Variants in FGF12 observed in about 807,000 individuals in gnomAD.
FGF12 encodes the protein fibroblast growth factor 12B.
A neutral mutation model predicts 23.6 loss-of-function variants in FGF12; 14 were observed. The observed-to-expected ratio is 0.59, with a 90% CI of 0.39 to 0.93. The LOEUF is 0.93. Ranked by LOEUF, FGF12 falls within the 40% of genes least tolerant of loss-of-function variation. The probability of loss-of-function intolerance (pLI) is 0.00; values close to 1 mark genes in which losing one functional copy is unlikely to be tolerated. For synonymous variants in FGF12, 62 were observed against 77.3 expected (o/e 0.80, Z 1.04); for missense variants, 175 against 217.8 (o/e 0.80, Z 1.24).
At chr3:192,490,223 C>T (rs972973543) in intron 2 of FGF12, among the ~76,000 whole-genome samples, 1 of 151,782 alleles carries the variant, frequency 6.6e-6, no homozygotes, top group Non-Finnish European at 1.5e-5. Flanking sequence ...CAAATAGCCA[C>T]TCAAATTGCT....
intron 2 of FGF12, among the ~76,000 whole-genome samples, chr3:192,670,816 C>G (rs983290562): frequency 1.3e-5 from 2 of 151,938 alleles, no homozygotes; most frequent in Admixed American, 1.3e-4. Flanking sequence ...TAATGGGGAC[C>G]CGAAGGATAG....
chr3:192,500,124 T>C (rs1230786240), intron 2 of FGF12, among the ~76,000 whole-genome samples: 1 of 152,174 alleles, frequency 6.6e-6, no homozygotes, highest in Non-Finnish European at 1.5e-5. Context: ...CTGGCTATTT[T>C]TGGACATAAG....
At position 192,572,520 on chromosome 3, in the gene FGF12, CACAA is replaced by C. The variant is rs151261868; in HGVS notation, c.13+154657_13+154660del. 3.6e-3 allele frequency among the ~76,000 whole-genome samples: 546 copies of C among 152,230 alleles called. 2 individuals are homozygous for C. Among genetic ancestry groups the C allele is most frequent in the African/African-American group, 0.012 (509 of 41,528 alleles). On this transcript the variant is annotated intron_variant, in intron 2 of 5. Coordinates refer to ENST00000445105, the MANE Select transcript of FGF12 (RefSeq NM_004113.6). ...AAGGGCAACATAAGTTTTGTAGTGA[CACAA>C]ACAGAACAAAACAAACAAAACTCAA...
chr3:192,535,148 C>A (rs1482354076), intron 2 of FGF12, among the ~76,000 whole-genome samples: 1 of 152,038 alleles, frequency 6.6e-6, no homozygotes, highest in Non-Finnish European at 1.5e-5. Flanking sequence ...ATTTGAAGAA[C>A]AATGCTGAAT....
chr3:192,538,581 A>G (rs1475416809), intron 2 of FGF12, among the ~76,000 whole-genome samples: 2 of 152,190 alleles, frequency 1.3e-5, no homozygotes, highest in East Asian at 3.8e-4. Context: ...CTTTTTGCAC[A>G]TGATAGCTTT....
Position 192,664,619 on chromosome 3 carries a change from A to AAAAAAAAAAAAAAAAAT in FGF12, c.13+62561_13+62562insATTTTTTTTTTTTTTTT, listed in dbSNP as rs3044658. On this transcript the variant is annotated intron_variant, in intron 2 of 5. Coordinates refer to ENST00000445105, the MANE Select transcript of FGF12 (RefSeq NM_004113.6). ...CAAAAAAAATACAAAAAAAAAAAAA[A>AAAAAAAAAAAAAAAAAT]GCTGGGCATGGTGGCATGCACCTGT... 1.3e-5 allele frequency among the ~76,000 whole-genome samples: 2 copies of AAAAAAAAAAAAAAAAAT among 148,636 alleles called. 1 individual carries two copies. The highest frequency in any genetic ancestry group is 3.0e-5 in the Non-Finnish European group (2 of 67,058).
At chr3:192,294,341 T>C (rs1006433735) in intron 4 of FGF12, among the ~76,000 whole-genome samples, 7 of 152,168 alleles carry the variant, frequency 4.6e-5, no homozygotes, top group African/African-American at 1.7e-4. Context: ...AGGACATTTA[T>C]GACATTTTTG....
intron 2 of FGF12, among the ~76,000 whole-genome samples, chr3:192,375,671 C>A (rs73068587): frequency 4.4e-4 from 65 of 148,288 alleles, no homozygotes; most frequent in African/African-American, 1.5e-3. Context: ...CCCCTCTTTC[C>A]CCCCAGACTC....
At chr3:192,203,776 A>T (rs1717502476) in intron 4 of FGF12, among the ~76,000 whole-genome samples, 1 of 151,648 alleles carries the variant, frequency 6.6e-6, no homozygotes, top group African/African-American at 2.4e-5. Context: ...AATTTTTAAA[A>T]TTTTTTTGTA....
At chr3:192,390,866 G>A (rs1173838373) in intron 2 of FGF12, among the ~76,000 whole-genome samples, 4 of 152,196 alleles carry the variant, frequency 2.6e-5, no homozygotes, top group Admixed American at 2.0e-4. Context: ...TAGTAGTGCT[G>A]TTGACTAAAG....
At chr3:192,289,039 G>GA (rs1209907230) in intron 4 of FGF12, among the ~76,000 whole-genome samples, 4 of 152,066 alleles carry the variant, frequency 2.6e-5, no homozygotes, top group African/African-American at 4.8e-5. Context: ...TTATCACCAA[G>GA]AAATCTTTCC....
chr3:192,563,329 T>A (rs1712130952), intron 2 of FGF12, among the ~76,000 whole-genome samples: 1 of 152,192 alleles, frequency 6.6e-6, no homozygotes, highest in African/African-American at 2.4e-5. Flanking sequence ...ATTTAATGGT[T>A]CTGGGTGCAG....
At chr3:192,289,039 GA>G (rs1209907230) in intron 4 of FGF12, among the ~76,000 whole-genome samples, 1 of 152,066 alleles carries the variant, frequency 6.6e-6, no homozygotes, top group African/African-American at 2.4e-5. Context: ...TTATCACCAA[GA>G]AATCTTTCCA....
intron 2 of FGF12, among the ~76,000 whole-genome samples, chr3:192,522,342 CTTACTT>C (rs1249278968): frequency 6.6e-6 from 1 of 152,008 alleles, no homozygotes; most frequent in Non-Finnish European, 1.5e-5. Flanking sequence ...GAAGATATAA[CTTACTT>C]TTAAACATTT....
chr3:192,626,374 C>T (rs1715169638), intron 2 of FGF12, among the ~76,000 whole-genome samples: 1 of 152,054 alleles, frequency 6.6e-6, no homozygotes, highest in Admixed American at 6.6e-5. Flanking sequence ...CTTAAGTATA[C>T]ACCCTATATT....
intron 4 of FGF12, among the ~76,000 whole-genome samples, chr3:192,333,075 C>G (rs1188792261): frequency 6.6e-6 from 1 of 152,026 alleles, no homozygotes. Context: ...CCCACCCCCT[C>G]GTAACCTCAG....
At chr3:192,602,960 G>A (rs1436433236) in intron 2 of FGF12, among the ~76,000 whole-genome samples, 1 of 151,878 alleles carries the variant, frequency 6.6e-6, no homozygotes, top group Non-Finnish European at 1.5e-5. Context: ...ATAAACACAG[G>A]AAAAGCTTTC....
intron 2 of FGF12, among the ~76,000 whole-genome samples, chr3:192,366,478 T>A (rs1718989712): frequency 6.6e-6 from 1 of 152,182 alleles, no homozygotes; most frequent in South Asian, 2.1e-4. Context: ...TGAACCCATC[T>A]CCTTCGTGGC....
At chr3:192,477,268 C>T (rs181610569) in intron 2 of FGF12, among the ~76,000 whole-genome samples, 10 of 152,284 alleles carry the variant, frequency 6.6e-5, no homozygotes, top group Admixed American at 5.9e-4. Context: ...GCCAGCGCTT[C>T]CCACTGGACA....
Sources: gnomAD v4.1 joint callset for allele counts (sites outside exome capture counted in the v4.1 genomes callset) on GRCh38, gnomAD v4.1.1 for gene constraint, MANE v1.5 for transcripts, NCBI Gene and HGNC (gene_info 2026-07-23, HGNC 2026-07-21) for gene names.